RARA: variants seen among roughly 807,000 people sequenced by gnomAD.
RARA encodes the protein PML-DDX5-RARA fusion.
A neutral mutation model predicts 42.8 loss-of-function variants in RARA; 5 were observed. That is an observed-to-expected ratio of 0.12 (90% CI 0.06 to 0.25). RARA has a LOEUF of 0.25. Ranked by LOEUF, RARA falls within the 10% of genes least tolerant of loss-of-function variation. The pLI, the probability that RARA is intolerant of heterozygous loss-of-function variation, is 1.00. For missense variants in RARA, 402 were observed against 628.7 expected (o/e 0.64, Z 3.86); for synonymous variants, 256 against 259.5 (o/e 0.99, Z 0.13).
At chr17:40,315,130 GTGTATATATATA>G (rs1471266572) in intron 1 of RARA, among the ~76,000 whole-genome samples, 25 of 53,976 alleles carry the variant, frequency 4.6e-4, no homozygotes, top group African/African-American at 1.4e-3. Context: ...ATGCTTATAT[GTGTATATATATA>G]TATATATATA....
intron 2 of RARA, among the ~76,000 whole-genome samples, chr17:40,340,392 G>A (rs1394558174): frequency 1.3e-5 from 2 of 152,108 alleles, no homozygotes; most frequent in Non-Finnish European, 2.9e-5. Flanking sequence ...CCTTACTGAG[G>A]CCTATAAGCC....
intron 1 of RARA, among the ~76,000 whole-genome samples, chr17:40,328,205 C>T (rs899678995): frequency 6.6e-6 from 1 of 152,148 alleles, no homozygotes; most frequent in Non-Finnish European, 1.5e-5. Context: ...CAGGAACTCC[C>T]CCTTCCCAGG....
rs1181705454 is a variant in RARA at position 40,341,026 on chromosome 17, CT to C, written c.179-7288del. ...GCCAGGCTTCTTCTAGAAGAATGTC[CT>C]TGGGTAGCATGTACATTTCCATCCT... On this transcript the variant is annotated intron_variant, in intron 2 of 8. Coordinates refer to ENST00000254066, the MANE Select transcript of RARA (RefSeq NM_000964.4). 1.2e-4 allele frequency: 50 copies of C among 400,326 alleles called. No individual in the cohort carries two copies. In the East Asian group the frequency reaches 1.7e-3, roughly 14 times the overall value. 24.8% of individuals were successfully genotyped at this position (400,326 alleles called of 1,614,324 possible).
At chr17:40,339,836 C>T (rs983891723) in intron 2 of RARA, among the ~76,000 whole-genome samples, 10 of 152,190 alleles carry the variant, frequency 6.6e-5, no homozygotes, top group Middle Eastern at 3.2e-3. Flanking sequence ...GGTCCCTTAG[C>T]GCCTTGCAGC....
chr17:40,353,015 C>T (rs1411387660), intron 6 of RARA, among the ~76,000 whole-genome samples: 1 of 152,176 alleles, frequency 6.6e-6, no homozygotes, highest in African/African-American at 2.4e-5. Context: ...TCTTGAAAAC[C>T]TTCCATGTGA....
chr17:40,349,829 C>T lies in RARA; in HGVS notation c.373C>T (p.His125Tyr). The change falls in exon 4 of 9, where the codon CAC becomes TAC. Residue 125 changes from histidine to tyrosine, a missense_variant. His to Tyr is a moderately conservative substitution (Grantham distance 83, BLOSUM62 2). Around this residue, in one of 5 missense-constraint regions of RARA, gnomAD observed 130 missense variants for 267.9 expected, o/e 0.49. Coordinates refer to ENST00000254066, the MANE Select transcript of RARA (RefSeq NM_000964.4). ...SIQKNMVYTC[H>Y]RDKNCIINKV... ...CCAGAAGAACATGGTGTACACGTGT[C>T]ACCGGGACAAGAACTGCATCATCAA... The T allele has an allele frequency of 6.2e-7, 1 of 1,614,238 alleles. No homozygotes were observed. Among genetic ancestry groups the T allele is most frequent in the South Asian group, 1.1e-5 (1 of 91,086 alleles).
At chr17:40,325,403 G>A (rs1340364190) in intron 1 of RARA, among the ~76,000 whole-genome samples, 1 of 152,138 alleles carries the variant, frequency 6.6e-6, no homozygotes, top group Non-Finnish European at 1.5e-5. Flanking sequence ...GGAGGAGAGG[G>A]GTGAGAGCCT....
At chr17:40,347,977 C>T (rs368826665) in intron 2 of RARA, 9 of 217,750 alleles carry the variant, frequency 4.1e-5, no homozygotes, top group Non-Finnish European at 6.3e-5. Context: ...GGGGCCAGGC[C>T]GCCCAGGGGC....
In RARA at chr17:40,356,353, C is replaced by T. The variant is rs1253258181; in HGVS notation, c.*127C>T. The T allele has an allele frequency of 1.9e-6, 2 of 1,078,858 alleles. No homozygotes were observed. The highest frequency in any genetic ancestry group is 2.0e-5 in the Admixed American group (1 of 50,398). 66.8% of individuals were successfully genotyped at this position (1,078,858 alleles called of 1,614,324 possible). A position where few individuals can be genotyped will look rare whatever the true frequency, so the allele number is the denominator to read the frequency against. On this transcript the variant is annotated 3_prime_UTR_variant, in exon 9 of 9. Coordinates refer to ENST00000254066, the MANE Select transcript of RARA (RefSeq NM_000964.4). ...TCCCGGGCAGTACTGGGGACCTTCC[C>T]TGGGGGACGGGGAGGGAGGAGGCAG...
chr17:40,341,873 C>G (rs1337628834), intron 2 of RARA: 2 of 1,025,148 alleles, frequency 2.0e-6, no homozygotes, highest in Non-Finnish European at 2.5e-6. Context: ...TCCTTGTCCC[C>G]TCGCAGCCCC....
At chr17:40,337,898 C>T (rs12051734) in intron 2 of RARA, among the ~76,000 whole-genome samples, 33,704 of 152,074 alleles carry the variant, frequency 0.22, 5,694 homozygotes, top group African/African-American at 0.47. Context: ...GAGGGACAGC[C>T]CAGGCGGAGG....
intron 2 of RARA, chr17:40,340,937 C>T (rs1377406083): frequency 2.5e-6 from 1 of 400,148 alleles, no homozygotes; most frequent in Non-Finnish European, 4.4e-6. Flanking sequence ...TTGCTGAGAC[C>T]TGTTTTATTT....
rs1293284406 is a variant in RARA at position 40,356,120 on chromosome 17, G to C, written c.1283G>C (p.Gly428Ala). Reference protein sequence around the residue: ...EGLDTLSGQPGGGGRDGGGLA... With the variant: ...EGLDTLSGQPAGGGRDGGGLA... ...CTGGACACTCTGAGCGGACAGCCGG[G>C]GGGTGGGGGGCGGGACGGGGGTGGC... Residue 428 changes from glycine (G) to alanine (A), a missense_variant, in exon 9 of 9, where the codon GGG (glycine) becomes GCG (alanine). Gly to Ala is a moderately conservative substitution (Grantham distance 60). This residue lies in a region of RARA where 73 missense variants were observed against 59.8 expected (regional missense o/e 1.22). Coordinates refer to ENST00000254066, the MANE Select transcript of RARA (RefSeq NM_000964.4). The C allele has an allele frequency of 5.5e-6, 8 of 1,455,186 alleles. No homozygotes were observed. The highest frequency in any genetic ancestry group is 2.3e-5 in the East Asian group (1 of 42,986). 90.1% of individuals were successfully genotyped at this position (1,455,186 alleles called of 1,614,324 possible). A position where few individuals can be genotyped will look rare whatever the true frequency, so the allele number is the denominator to read the frequency against.
intron 1 of RARA, among the ~76,000 whole-genome samples, chr17:40,311,136 C>T (rs1051527829): frequency 6.6e-6 from 1 of 151,986 alleles, no homozygotes; most frequent in African/African-American, 2.4e-5. Context: ...CTCTCCCCTG[C>T]CCAGTGGCCT....
chr17:40,321,830 C>T (rs548274963), intron 1 of RARA, among the ~76,000 whole-genome samples: 80 of 152,296 alleles, frequency 5.3e-4, no homozygotes, highest in African/African-American at 1.8e-3. Flanking sequence ...TCCACCCCCC[C>T]AACTGGATAT....
intron 2 of RARA, among the ~76,000 whole-genome samples, chr17:40,339,275 T>A (rs906370215): frequency 6.6e-6 from 1 of 152,024 alleles, no homozygotes; most frequent in Non-Finnish European, 1.5e-5. Flanking sequence ...CCAGATGGGG[T>A]TGGGGACAGG....
rs1454375439 is a variant in RARA at position 40,349,871 on chromosome 17, C to G, written c.415C>G (p.Arg139Gly). The G allele has an allele frequency of 6.2e-7, 1 of 1,614,112 alleles. No homozygotes were observed. Among genetic ancestry groups the G allele is most frequent in the Admixed American group, 1.7e-5 (1 of 60,010 alleles). The change falls in exon 4 of 9, where the codon CGC becomes GGC. Residue 139 changes from arginine to glycine, a missense_variant. Coordinates refer to ENST00000254066, the MANE Select transcript of RARA (RefSeq NM_000964.4). Reference sequence around the variant, plus strand: ...CATCATCAACAAGGTGACCCGGAACCGCTGCCAGTACTGCCGACTGCAGAA... The same window carrying G: ...CATCATCAACAAGGTGACCCGGAACGGCTGCCAGTACTGCCGACTGCAGAA... Reference protein sequence around the residue: ...NCIINKVTRNRCQYCRLQKCF... With the variant: ...NCIINKVTRNGCQYCRLQKCF...
chr17:40,342,494 C>T (rs2034097184), intron 2 of RARA: 3 of 1,313,908 alleles, frequency 2.3e-6, no homozygotes, highest in South Asian at 1.9e-5. Flanking sequence ...GCACACACAA[C>T]TTCCCTGCTT....
In RARA at chr17:40,354,568, T is replaced by G. The variant is rs1226055609; in HGVS notation, c.1012+62T>G. The G allele has an allele frequency of 2.3e-5, 36 of 1,561,102 alleles. No homozygotes were observed. The highest frequency in any genetic ancestry group is 3.1e-5 in the Non-Finnish European group (35 of 1,147,132). On this transcript the variant is annotated intron_variant, in intron 7 of 8. Coordinates refer to ENST00000254066, the MANE Select transcript of RARA (RefSeq NM_000964.4). The surrounding 1 kb of genome is among the most constrained non-coding windows in gnomAD (Gnocchi z 4.5). The stretch of plus-strand genomic sequence containing the variant: ...ACGGGGGTGCAGCCCTGGAGTCTCT[T>G]CCAGGGAGCTCTTTCAGGCCACCTC...
Sources: allele counts gnomAD v4.1 joint callset (sites outside exome capture counted in the v4.1 genomes callset), GRCh38; gene constraint gnomAD v4.1.1; regional missense constraint gnomAD v4.1.1; non-coding constraint Gnocchi (gnomAD v3.1); transcripts MANE v1.5; gene names NCBI Gene and HGNC (gene_info 2026-07-23, HGNC 2026-07-21).